HS3ST4: variants seen among roughly 807,000 people sequenced by gnomAD.
HS3ST4 encodes the protein heparan sulfate-glucosamine 3-sulfotransferase 4, also known as heparan sulfate glucosamine 3-O-sulfotransferase 4.
A neutral mutation model predicts 29.2 loss-of-function variants in HS3ST4; 17 were observed. The observed-to-expected ratio is 0.58, with a 90% CI of 0.40 to 0.87. The LOEUF (loss-of-function observed/expected upper bound fraction) is 0.87, where lower values mean the gene tolerates loss of function less well. Among genes scored for constraint, HS3ST4 ranks in the 40% least tolerant of loss-of-function variants. HS3ST4 has a pLI of 0.00. For missense variants in HS3ST4, 627 were observed against 634.5 expected, an observed-to-expected ratio of 0.99 and a Z score of 0.13; for synonymous variants, 314 against 285.7, an observed-to-expected ratio of 1.10 and a Z score of -1.00.
Position 25,735,748 on chromosome 16 carries a change from A to G in HS3ST4, c.734+42597A>G, listed in dbSNP as rs376722781. Among the ~76,000 whole-genome samples the G allele has an allele frequency of 2.6e-5, 4 of 152,168 alleles. No individual in the cohort carries two copies. In the East Asian group the frequency reaches 7.7e-4, roughly 29 times the overall value. On this transcript the variant is annotated intron_variant, in intron 1 of 1. Transcript: ENST00000331351. ...AGAGGAAAGGGAATGCTGCTTTCCA[A>G]ACAGTTTCAGCAAAAGTTTTAAGGC...
intron 1 of HS3ST4, among the ~76,000 whole-genome samples, chr16:25,745,591 A>T (rs1007984011): frequency 2.6e-5 from 4 of 152,180 alleles, no homozygotes; most frequent in Non-Finnish European, 5.9e-5. Context: ...ATTTTGATGA[A>T]TGCACACAGT....
intron 1 of HS3ST4, among the ~76,000 whole-genome samples, chr16:25,864,046 G>T (rs1337197025): frequency 6.7e-6 from 1 of 149,958 alleles, no homozygotes; most frequent in Non-Finnish European, 1.5e-5. Flanking sequence ...GGCATCCTCT[G>T]TGCACACGCC....
At chr16:26,061,672 A>C (rs963571438) in intron 1 of HS3ST4, among the ~76,000 whole-genome samples, 2 of 152,188 alleles carry the variant, frequency 1.3e-5, no homozygotes, top group East Asian at 1.9e-4. Context: ...GAAAAGGATA[A>C]GTTATTCTAT....
intron 1 of HS3ST4, among the ~76,000 whole-genome samples, chr16:25,862,814 T>C (rs1359419716): frequency 6.6e-6 from 1 of 152,238 alleles, no homozygotes; most frequent in South Asian, 2.1e-4. Flanking sequence ...TGTCGCATCA[T>C]TGGTTATTTG....
At chr16:25,944,427 C>G (rs1000143843) in intron 1 of HS3ST4, among the ~76,000 whole-genome samples, 2 of 152,210 alleles carry the variant, frequency 1.3e-5, no homozygotes, top group Non-Finnish European at 2.9e-5. Context: ...GCCATAGTGA[C>G]TCCATCTTGG....
At chr16:25,922,094 A>T (rs1968360099) in intron 1 of HS3ST4, among the ~76,000 whole-genome samples, 2 of 152,130 alleles carry the variant, frequency 1.3e-5, no homozygotes, top group African/African-American at 4.8e-5. Flanking sequence ...GAACAAGCTA[A>T]TGGCCATGGG....
At chr16:25,835,346 T>A (rs562088072) in intron 1 of HS3ST4, among the ~76,000 whole-genome samples, 26 of 152,350 alleles carry the variant, frequency 1.7e-4, no homozygotes, top group Non-Finnish European at 5.9e-5. Context: ...ATTCTGTGCA[T>A]GAGCCAGAGG....
At chr16:26,120,485 A>G (rs1047894659) in intron 1 of HS3ST4, among the ~76,000 whole-genome samples, 77 of 152,340 alleles carry the variant, frequency 5.1e-4, no homozygotes, top group African/African-American at 1.8e-3. Flanking sequence ...TCGTAGCCAA[A>G]TGTAGAGGAA....
intron 1 of HS3ST4, among the ~76,000 whole-genome samples, chr16:25,840,388 G>A (rs903583805): frequency 2.0e-5 from 3 of 152,208 alleles, no homozygotes; most frequent in Non-Finnish European, 4.4e-5. Context: ...TATGGATTCT[G>A]TGAAGTCTTT....
At chr16:25,869,096 G>A (rs2141658409) in intron 1 of HS3ST4, among the ~76,000 whole-genome samples, 1 of 152,152 alleles carries the variant, frequency 6.6e-6, no homozygotes, top group Non-Finnish European at 1.5e-5. Context: ...AAGGATCCTG[G>A]GGTACCAGGA....
chr16:25,729,289 G>T (rs942847135), intron 1 of HS3ST4, among the ~76,000 whole-genome samples: 3 of 152,074 alleles, frequency 2.0e-5, no homozygotes, highest in African/African-American at 7.2e-5. Flanking sequence ...GACATCTAAT[G>T]GTGTGAAAAT....
Position 26,088,197 on chromosome 16 carries a change from C to T in HS3ST4, c.735-47415C>T, listed in dbSNP as rs552175784. On this transcript the variant is annotated intron_variant, in intron 1 of 1. Transcript: ENST00000331351. ...TTGTGTATTGTATTCTCGTCCAGAA[C>T]ACGTGTTCCTCTTCCTCTAGGTAAT... Among the ~76,000 whole-genome samples the T allele has an allele frequency of 2.0e-5, 3 of 152,292 alleles. No homozygotes were observed. In the South Asian group the frequency reaches 6.2e-4, roughly 32 times the overall value.
chr16:26,004,324 C>T (rs937998751), intron 1 of HS3ST4, among the ~76,000 whole-genome samples: 3 of 152,124 alleles, frequency 2.0e-5, no homozygotes, highest in Admixed American at 6.6e-5. Flanking sequence ...ATCTATAACA[C>T]ACCAGAACCG....
At chr16:26,099,620 T>C (rs1005230088) in intron 1 of HS3ST4, among the ~76,000 whole-genome samples, 1 of 152,202 alleles carries the variant, frequency 6.6e-6, no homozygotes, top group Admixed American at 6.5e-5. Flanking sequence ...TCAGACTTCA[T>C]GAGAAATTTG....
intron 1 of HS3ST4, among the ~76,000 whole-genome samples, chr16:25,776,531 C>G (rs1467063379): frequency 2.6e-5 from 4 of 152,208 alleles, no homozygotes; most frequent in South Asian, 2.1e-4. Context: ...AAACTGTGCT[C>G]TGACCATCTT....
At chr16:25,773,264 T>A (rs1289360593) in intron 1 of HS3ST4, among the ~76,000 whole-genome samples, 2 of 152,142 alleles carry the variant, frequency 1.3e-5, no homozygotes, top group Admixed American at 1.3e-4. Context: ...GTTCCTCAGC[T>A]CCAGCACCTC....
chr16:25,716,405 T>G (rs60961767), intron 1 of HS3ST4, among the ~76,000 whole-genome samples: 3 of 152,198 alleles, frequency 2.0e-5, no homozygotes, highest in African/African-American at 4.8e-5. Flanking sequence ...TGTGGCAACT[T>G]CTGGGAAACA....
At chr16:26,074,487 C>T (rs1234537719) in intron 1 of HS3ST4, among the ~76,000 whole-genome samples, 1 of 152,150 alleles carries the variant, frequency 6.6e-6, no homozygotes, top group Non-Finnish European at 1.5e-5. Context: ...CATCCTTCTT[C>T]CTGTTCGAAT....
intron 1 of HS3ST4, among the ~76,000 whole-genome samples, chr16:26,123,976 A>G (rs935397009): frequency 6.6e-6 from 1 of 151,516 alleles, no homozygotes; most frequent in Non-Finnish European, 1.5e-5. Context: ...ACTGGAGTGC[A>G]ATGGTGCAAT....
Sources: allele counts gnomAD v4.1 joint callset (sites outside exome capture counted in the v4.1 genomes callset), GRCh38; gene constraint gnomAD v4.1.1; transcripts MANE v1.5; gene names NCBI Gene and HGNC (gene_info 2026-07-23, HGNC 2026-07-21).